The following AGO3 variants were observed in gnomAD, a reference collection of about 807,000 sequenced individuals.
The protein encoded by AGO3 is protein argonaute-3.
AGO3 carries 16 observed loss-of-function variants against 105.5 expected under a neutral mutation model. The ratio of observed to expected loss-of-function variants is 0.15; its 90% CI spans 0.10 to 0.23. The LOEUF (loss-of-function observed/expected upper bound fraction) is 0.23, where lower values mean the gene tolerates loss of function less well. AGO3 is among the 10% of genes least tolerant of loss of function. The pLI, the probability that AGO3 is intolerant of heterozygous loss-of-function variation, is 1.00. For synonymous variants in AGO3, 340 were observed against 367.3 expected, an observed-to-expected ratio of 0.93 and a Z score of 0.85; for missense variants, 534 against 1,088.0, an observed-to-expected ratio of 0.49 and a Z score of 7.16.
rs755758306 is a variant in AGO3 at position 36,020,870 on chromosome 1, G to C, written c.1407-6244G>C. Among the ~76,000 whole-genome samples the C allele has an allele frequency of 1.2e-3, 187 of 151,704 alleles. 1 individual carries two copies. The highest frequency in any genetic ancestry group is 1.8e-3 in the Non-Finnish European group (122 of 67,990). ...GACCTCAAGTGGTCTACCAACCTTG[G>C]CCTCCCAAAGTGCTGGGATTACAGG... is the stretch of plus-strand genomic sequence containing the variant. On this transcript the variant is annotated intron_variant, in intron 11 of 18. Transcript: ENST00000373191.
rs79634870 is a variant in AGO3 at position 36,057,476 on chromosome 1, T to G, written c.*1731T>G. The G allele has an allele frequency of 6.6e-6, 1 of 152,118 alleles. No homozygotes were observed. Among genetic ancestry groups the G allele is most frequent in the Non-Finnish European group, 1.5e-5 (1 of 68,028 alleles). The allele number at this position is 152,118 out of a possible 1,614,324, so 9.4% of individuals were successfully genotyped here. A position where few individuals can be genotyped will look rare whatever the true frequency, so the allele number is the denominator to read the frequency against. Reference sequence around the variant, plus strand: ...ATTGGCAGCATCTTTTATAGAAATATAATCATGTTTATTTTAAGAACTGAC... The same window carrying G: ...ATTGGCAGCATCTTTTATAGAAATAGAATCATGTTTATTTTAAGAACTGAC... On this transcript the variant is annotated 3_prime_UTR_variant, in exon 19 of 19. Transcript: ENST00000373191.
At chr1:36,042,884 A>T (rs1476889753) in intron 16 of AGO3, among the ~76,000 whole-genome samples, 2 of 152,200 alleles carry the variant, frequency 1.3e-5, no homozygotes, top group East Asian at 3.8e-4. Context: ...TGTGCTATTG[A>T]GCAAATTATT....
intron 1 of AGO3, among the ~76,000 whole-genome samples, chr1:35,938,182 T>C (rs1160913217): frequency 6.6e-6 from 1 of 152,036 alleles, no homozygotes; most frequent in Non-Finnish European, 1.5e-5. Context: ...GGTTTCACCA[T>C]GTTAGTCAGG....
In AGO3 at chr1:36,008,427, A is replaced by G. The variant is rs1020934694; in HGVS notation, c.794-263A>G. The stretch of plus-strand genomic sequence containing the variant: ...AATGGAAGATTTTGGCCCTTGATCT[A>G]TGGGCTTTGCAAATTTTATGATTTT... On this transcript the variant is annotated intron_variant, in intron 6 of 18. Coordinates refer to ENST00000373191, the MANE Select transcript of AGO3 (RefSeq NM_024852.4). The surrounding 1 kb of genome is among the most constrained non-coding windows in gnomAD (Gnocchi z 5.1). Among the ~76,000 whole-genome samples the G allele has an allele frequency of 2.0e-5, 3 of 152,178 alleles. No homozygotes were observed. The highest frequency in any genetic ancestry group is 2.9e-5 in the Non-Finnish European group (2 of 68,020).
rs1253539341 is a variant in AGO3 at position 35,971,307 on chromosome 1, G to T, written c.313-717G>T. On this transcript the variant is annotated intron_variant, in intron 3 of 18. Coordinates refer to ENST00000373191, the MANE Select transcript of AGO3 (RefSeq NM_024852.4). ...CCCGAGTAGCTGGGATTACAGGCAT[G>T]CACCACCACACCCAGCTAATTTTGT... Among the ~76,000 whole-genome samples, 3 of 150,596 alleles carry T rather than the reference G, an allele frequency of 2.0e-5. No homozygotes were observed. The East Asian group carries it at 5.8e-4, about 29-fold the overall frequency.
chr1:36,018,903 A>G (rs1171788431), intron 11 of AGO3, among the ~76,000 whole-genome samples: 2 of 151,720 alleles, frequency 1.3e-5, no homozygotes, highest in African/African-American at 4.8e-5. Context: ...AAATCTGTCC[A>G]CATCTAGGAG....
At chr1:36,050,591 T>A (rs1000630622) in intron 17 of AGO3, among the ~76,000 whole-genome samples, 1 of 148,220 alleles carries the variant, frequency 6.7e-6, no homozygotes, top group African/African-American at 2.5e-5. Flanking sequence ...CAGGAGTTCG[T>A]GACCAGCCTG....
At chr1:36,040,137 A>G (rs577182925) in intron 15 of AGO3, among the ~76,000 whole-genome samples, 153 bp downstream of exon 15, 2 of 152,316 alleles carry the variant, frequency 1.3e-5, no homozygotes, top group East Asian at 3.9e-4. Flanking sequence ...TTCACTACGA[A>G]TGTGTATGCC....
intron 17 of AGO3, among the ~76,000 whole-genome samples, chr1:36,046,623 TAAAAAAAAAA>T (rs3073806): frequency 0.012 from 415 of 34,514 alleles, 19 homozygotes; most frequent in Admixed American, 0.08. Context: ...AGTCTCTATT[TAAAAAAAAAA>T]AAAAAAAAAA....
intron 2 of AGO3, among the ~76,000 whole-genome samples, chr1:35,957,291 G>A (rs537508704): frequency 5.3e-5 from 8 of 152,116 alleles, no homozygotes; most frequent in South Asian, 4.1e-4. Context: ...AGGAGGTGAA[G>A]GTTGCAGTGA....
intron 5 of AGO3, among the ~76,000 whole-genome samples, chr1:36,003,763 C>T (rs954789873): frequency 1.4e-5 from 2 of 138,976 alleles, no homozygotes; most frequent in Admixed American, 7.3e-5. Flanking sequence ...TTAGATTTAG[C>T]ACCAATGACT....
chr1:35,969,930 C>T lies in AGO3; in HGVS notation c.313-2094C>T, dbSNP rs527248437. ...ATTGTAAAAGATTGTTTAAATGGTA[C>T]GCCTGTATAAGGCAGCTTCATTATA... On this transcript the variant is annotated intron_variant, in intron 3 of 18. Transcript: ENST00000373191. Among the ~76,000 whole-genome samples the T allele has an allele frequency of 3.9e-5, 6 of 152,252 alleles. No homozygotes were observed. In the East Asian group the frequency reaches 5.8e-4, roughly 15 times the overall value.
intron 14 of AGO3, among the ~76,000 whole-genome samples, 163 bp from the exon 15 acceptor site, chr1:36,039,627 A>G (rs1363134767): frequency 3.3e-5 from 5 of 151,972 alleles, no homozygotes; most frequent in Non-Finnish European, 7.4e-5. Context: ...GACTATAGGC[A>G]CATGCCGTCA....
At chr1:35,996,251 GGAGTTA>G (rs1639803742) in intron 5 of AGO3, among the ~76,000 whole-genome samples, 1 of 151,612 alleles carries the variant, frequency 6.6e-6, no homozygotes, top group African/African-American at 2.4e-5. Flanking sequence ...CTTGAGCCCA[GGAGTTA>G]GAGGTTGCAG....
intron 3 of AGO3, among the ~76,000 whole-genome samples, chr1:35,968,442 C>T (rs1457329264): frequency 6.6e-6 from 1 of 152,134 alleles, no homozygotes; most frequent in Admixed American, 6.5e-5. Flanking sequence ...CCATTGCTCC[C>T]TCCCCTCAGC....
chr1:35,963,976 A>G (rs1389173515), intron 2 of AGO3, among the ~76,000 whole-genome samples: 2 of 138,352 alleles, frequency 1.4e-5, no homozygotes, highest in Non-Finnish European at 3.0e-5. Context: ...AAGTTCCAGC[A>G]TTTCACTGAG....
chr1:35,955,934 G>C (rs1646557075), intron 2 of AGO3, among the ~76,000 whole-genome samples: 1 of 151,940 alleles, frequency 6.6e-6, no homozygotes, highest in Admixed American at 6.6e-5. Context: ...TACTCTCCTA[G>C]GATTCCTGGT....
rs941164013 is a variant in AGO3, at chr1:36,067,875, T to G, written c.*12130T>G. The G allele has an allele frequency of 2.0e-5, 3 of 151,670 alleles. No homozygotes were observed. Among genetic ancestry groups the G allele is most frequent in the East Asian group, 1.9e-4 (1 of 5,180 alleles). 9.4% of individuals were successfully genotyped at this position (151,670 alleles called of 1,614,324 possible). A position where few individuals can be genotyped will look rare whatever the true frequency, so the allele number is the denominator to read the frequency against. The stretch of plus-strand genomic sequence containing the variant: ...GAAAAGGACTTAGAGGCAGTTGATA[T>G]AGAATTCTACTGGGGGTAAATGACA... On this transcript the variant is annotated 3_prime_UTR_variant, in exon 19 of 19. Coordinates refer to ENST00000373191, the MANE Select transcript of AGO3 (RefSeq NM_024852.4).
chr1:36,048,630 T>C (rs529717407), intron 17 of AGO3, among the ~76,000 whole-genome samples: 218 of 152,192 alleles, frequency 1.4e-3, no homozygotes, highest in Non-Finnish European at 2.5e-3. Flanking sequence ...ATGACAGGAA[T>C]AGGCCTTCAC....
Sources: allele counts gnomAD v4.1 joint callset (sites outside exome capture counted in the v4.1 genomes callset), GRCh38; gene constraint gnomAD v4.1.1; non-coding constraint Gnocchi (gnomAD v3.1); transcripts MANE v1.5; gene names NCBI Gene and HGNC (gene_info 2026-07-23, HGNC 2026-07-21).